Variants in ZFPM2 observed in about 807,000 individuals in gnomAD.
The protein encoded by ZFPM2 is zinc finger protein ZFPM2.
ZFPM2 carries 20 observed loss-of-function variants against 98.6 expected under a neutral mutation model. The observed-to-expected ratio is 0.20, with a 90% CI of 0.14 to 0.29. The LOEUF (loss-of-function observed/expected upper bound fraction) is 0.29. Ranked by LOEUF, ZFPM2 falls within the 10% of genes least tolerant of loss-of-function variation. The pLI is 1.00. For synonymous variants in ZFPM2, 518 were observed against 502.7 expected (o/e 1.03, Z -0.41); for missense variants, 1,310 against 1,388.6 (o/e 0.94, Z 0.90).
intron 1 of ZFPM2, among the ~76,000 whole-genome samples, chr8:105,362,715 A>C (rs1387437772): frequency 2.0e-5 from 3 of 152,160 alleles, no homozygotes; most frequent in Non-Finnish European, 4.4e-5. Flanking sequence ...CTGAGTGTAC[A>C]CAATATTGGA....
chr8:105,645,977 C>T (rs767083013), intron 5 of ZFPM2, among the ~76,000 whole-genome samples: 3 of 149,790 alleles, frequency 2.0e-5, no homozygotes, highest in African/African-American at 4.9e-5. Context: ...CGCTTGAACC[C>T]GGGAGGCAGA....
chr8:105,620,500 G>A (rs1254939890), intron 4 of ZFPM2, among the ~76,000 whole-genome samples: 1 of 152,132 alleles, frequency 6.6e-6, no homozygotes, highest in Non-Finnish European at 1.5e-5. Flanking sequence ...CACTCTGATG[G>A]TAGTTTCTTT....
intron 3 of ZFPM2, among the ~76,000 whole-genome samples, chr8:105,546,498 GCC>G (rs2130643060): frequency 6.7e-6 from 1 of 149,956 alleles, no homozygotes; most frequent in Admixed American, 6.7e-5. Context: ...GAACCTGGGA[GCC>G]AGAGGTTGCT....
At chr8:105,371,581 G>A (rs1586323283) in intron 1 of ZFPM2, among the ~76,000 whole-genome samples, 2 of 152,122 alleles carry the variant, frequency 1.3e-5, no homozygotes, top group South Asian at 2.1e-4. Flanking sequence ...TAAACAGATC[G>A]AGATATACAC....
intron 2 of ZFPM2, among the ~76,000 whole-genome samples, chr8:105,432,264 A>T (rs1409157944): frequency 1.3e-5 from 2 of 152,046 alleles, no homozygotes; most frequent in African/African-American, 4.8e-5. Flanking sequence ...ATCAAGCAGG[A>T]GGAAAAAAAC....
At chr8:105,578,477 C>A (rs4541868) in intron 4 of ZFPM2, among the ~76,000 whole-genome samples, 50,374 of 151,808 alleles carry the variant, frequency 0.33, 8,854 homozygotes, top group African/African-American at 0.46. Context: ...TCAAACAATT[C>A]AGAGTATTCT....
Position 105,550,133 on chromosome 8 carries a change from C to T in ZFPM2, c.302-11230C>T, listed in dbSNP as rs529314108. On this transcript the variant is annotated intron_variant, in intron 3 of 7. Transcript: ENST00000407775. ...ATGTAAAATGTTTTGTGAACTCTGA[C>T]ACTCACATCATAAGCTTGCCACCCT... Among the ~76,000 whole-genome samples the T allele has an allele frequency of 5.9e-5, 9 of 152,198 alleles. No homozygotes were observed. The East Asian group carries it at 1.7e-3, about 29-fold the overall frequency.
intron 3 of ZFPM2, among the ~76,000 whole-genome samples, chr8:105,495,267 C>T (rs564066473): frequency 2.0e-4 from 31 of 152,278 alleles, no homozygotes; most frequent in South Asian, 1.2e-3. Context: ...TAAATGTCAT[C>T]GACAAAATGT....
chr8:105,686,769 G>T (rs1317321824), intron 5 of ZFPM2, among the ~76,000 whole-genome samples: 1 of 152,084 alleles, frequency 6.6e-6, no homozygotes, highest in Non-Finnish European at 1.5e-5. Context: ...CATATAGGTG[G>T]TCATCCTAGA....
intron 4 of ZFPM2, among the ~76,000 whole-genome samples, chr8:105,621,294 G>A (rs532837955): frequency 5.9e-5 from 9 of 152,262 alleles, no homozygotes; most frequent in African/African-American, 2.2e-4. Context: ...AAGCAATTGT[G>A]AATGGGAGTT....
At chr8:105,674,508 C>A (rs578140662) in intron 5 of ZFPM2, among the ~76,000 whole-genome samples, 22 of 152,278 alleles carry the variant, frequency 1.4e-4, no homozygotes, top group Middle Eastern at 3.4e-3. Context: ...AAGAGGAAAT[C>A]ACAATGGGTT....
intron 1 of ZFPM2, among the ~76,000 whole-genome samples, chr8:105,380,035 T>G (rs1022283778): frequency 2.6e-5 from 4 of 152,114 alleles, no homozygotes; most frequent in African/African-American, 4.8e-5. Context: ...ATATAGAAAT[T>G]CAGATGTGAT....
At chr8:105,551,572 G>A (rs1043278725) in intron 3 of ZFPM2, among the ~76,000 whole-genome samples, 6 of 152,230 alleles carry the variant, frequency 3.9e-5, no homozygotes, top group Admixed American at 1.3e-4. Flanking sequence ...TGTAGTATGA[G>A]CTCCCTGGGT....
intron 1 of ZFPM2, among the ~76,000 whole-genome samples, chr8:105,375,978 C>G (rs999948028): frequency 2.0e-5 from 3 of 152,028 alleles, no homozygotes; most frequent in African/African-American, 4.8e-5. Context: ...TTCTCTATGC[C>G]CTATTTAGAG....
At chr8:105,519,303 A>T (rs1814002051) in intron 3 of ZFPM2, among the ~76,000 whole-genome samples, 1 of 152,152 alleles carries the variant, frequency 6.6e-6, no homozygotes, top group Non-Finnish European at 1.5e-5. Context: ...TGGTTTTGAT[A>T]ATCAAATATG....
chr8:105,478,392 C>A (rs1467680929), intron 3 of ZFPM2, among the ~76,000 whole-genome samples: 1 of 152,180 alleles, frequency 6.6e-6, no homozygotes, highest in Non-Finnish European at 1.5e-5. Context: ...ACTTATCCAA[C>A]TTTATAGGAA....
intron 5 of ZFPM2, among the ~76,000 whole-genome samples, chr8:105,775,737 C>T (rs1418720029): frequency 2.0e-5 from 3 of 152,110 alleles, no homozygotes; most frequent in Admixed American, 2.0e-4. Context: ...AGTCAGATGG[C>T]TACCTCAGTG....
rs574648972 is a variant in ZFPM2, at chr8:105,688,983, A to C, written c.532+54626A>C. On this transcript the variant is annotated intron_variant, in intron 5 of 7. Coordinates refer to ENST00000407775, the MANE Select transcript of ZFPM2 (RefSeq NM_012082.4). ...ATATGGTGGCTCCACCCCACCTACT[A>C]TTCACCTTCTACACTGACCTTTCTT... Among the ~76,000 whole-genome samples, 14 of 152,256 alleles carry C rather than the reference A, an allele frequency of 9.2e-5. 1 individual carries two copies. In the South Asian group the frequency reaches 2.9e-3, roughly 31 times the overall value.
intron 3 of ZFPM2, among the ~76,000 whole-genome samples, chr8:105,560,407 T>G (rs1815107274): frequency 6.6e-6 from 1 of 152,044 alleles, no homozygotes; most frequent in Admixed American, 6.6e-5. Context: ...TGAAGTTAGG[T>G]TACTGAGATA....
Sources: gnomAD v4.1 joint callset for allele counts (sites outside exome capture counted in the v4.1 genomes callset) on GRCh38, gnomAD v4.1.1 for gene constraint, MANE v1.5 for transcripts, NCBI Gene and HGNC (gene_info 2026-07-23, HGNC 2026-07-21) for gene names.